The following ABI2 variants were observed in gnomAD, a reference collection of about 807,000 sequenced individuals.
ABI2 encodes abl interactor 2.
A neutral mutation model predicts 59.2 loss-of-function variants in ABI2; 25 were observed. That is an observed-to-expected ratio of 0.42 (90% CI 0.31 to 0.59). The LOEUF is 0.59. ABI2 is among the 20% of genes least tolerant of loss of function. The pLI, the probability that ABI2 is intolerant of heterozygous loss-of-function variation, is 0.14. For synonymous variants in ABI2, 213 were observed against 235.5 expected (o/e 0.90, Z 0.87); for missense variants, 545 against 681.8 (o/e 0.80, Z 2.23).
intron 9 of ABI2, among the ~76,000 whole-genome samples, chr2:203,410,537 A>G (rs1287728910): frequency 6.6e-6 from 1 of 152,184 alleles, no homozygotes; most frequent in Admixed American, 6.5e-5. Context: ...GGTGCAGGGA[A>G]ATACACCTTG....
chr2:203,333,458 A>G (rs1164902497), intron 1 of ABI2, among the ~76,000 whole-genome samples: 4 of 152,092 alleles, frequency 2.6e-5, no homozygotes, highest in African/African-American at 7.2e-5. Flanking sequence ...CGAGTTCTGT[A>G]TGTTCTTGCA....
intron 9 of ABI2, among the ~76,000 whole-genome samples, chr2:203,403,558 A>C (rs1425826153): frequency 1.3e-5 from 2 of 152,046 alleles, no homozygotes; most frequent in Non-Finnish European, 2.9e-5. Context: ...TGATCCTCCA[A>C]CATAAACACT....
intron 4 of ABI2, among the ~76,000 whole-genome samples, chr2:203,387,044 C>G (rs2096555091): frequency 6.9e-6 from 1 of 145,598 alleles, no homozygotes; most frequent in Admixed American, 7.2e-5. Flanking sequence ...TTTTTCCCCG[C>G]AGGCTCCCTT....
rs149082538 is a variant in ABI2, at chr2:203,352,222, GC to G, written c.118-14652del. Among the ~76,000 whole-genome samples the G allele has an allele frequency of 3.9e-5, 6 of 152,278 alleles. No homozygotes were observed. The East Asian group carries it at 1.2e-3, about 29-fold the overall frequency. ...TGCCTATAATCCCAGCTTTTTGGGA[GC>G]CCGAGATGGAAGGACGGCTTGAGTT... On this transcript the variant is annotated intron_variant, in intron 1 of 11. Transcript: ENST00000261018.
chr2:203,406,671 A>AT (rs200999049), intron 9 of ABI2, among the ~76,000 whole-genome samples: 29 of 151,776 alleles, frequency 1.9e-4, no homozygotes, highest in African/African-American at 4.3e-4. Flanking sequence ...GAGCAGGAAG[A>AT]TTTTTTTTTC....
chr2:203,348,390 C>T (rs2085109914), intron 1 of ABI2, among the ~76,000 whole-genome samples: 1 of 152,012 alleles, frequency 6.6e-6, no homozygotes, highest in East Asian at 1.9e-4. Context: ...ATGAAGCATG[C>T]AGGAGGTAAT....
intron 2 of ABI2, among the ~76,000 whole-genome samples, chr2:203,371,211 A>G (rs1419448485): frequency 6.6e-6 from 1 of 152,106 alleles, no homozygotes; most frequent in Non-Finnish European, 1.5e-5. Flanking sequence ...CTTTACCTCA[A>G]TCTGTGTCCA....
chr2:203,349,420 T>C (rs2152712847), intron 1 of ABI2, among the ~76,000 whole-genome samples: 1 of 152,296 alleles, frequency 6.6e-6, no homozygotes, highest in Admixed American at 6.5e-5. Flanking sequence ...TTCTTCTTTT[T>C]TGAGGCGGAG....
intron 8 of ABI2, among the ~76,000 whole-genome samples, chr2:203,400,368 C>T (rs1371482915): frequency 6.6e-6 from 1 of 152,034 alleles, no homozygotes; most frequent in East Asian, 1.9e-4. Flanking sequence ...TGATTAAAGG[C>T]CTGAGCCACC....
At chr2:203,407,313 G>GA (rs1455203922) in intron 9 of ABI2, among the ~76,000 whole-genome samples, 2 of 151,910 alleles carry the variant, frequency 1.3e-5, no homozygotes, top group African/African-American at 4.8e-5. Context: ...CCTTCACTGG[G>GA]AAAAAAACAT....
At chr2:203,337,829 A>G (rs920081151) in intron 1 of ABI2, among the ~76,000 whole-genome samples, 2 of 152,178 alleles carry the variant, frequency 1.3e-5, no homozygotes, top group Non-Finnish European at 2.9e-5. Flanking sequence ...TCAGGAGTTC[A>G]AGACCAGCCT....
At chr2:203,379,849 A>G (rs1020730727) in intron 2 of ABI2, among the ~76,000 whole-genome samples, 2 of 152,220 alleles carry the variant, frequency 1.3e-5, no homozygotes, top group Non-Finnish European at 2.9e-5. Context: ...AGTGAGCGGC[A>G]TGGCTGTATT....
At chr2:203,346,383 C>T (rs2083557391) in intron 1 of ABI2, among the ~76,000 whole-genome samples, 2 of 152,142 alleles carry the variant, frequency 1.3e-5, no homozygotes, top group African/African-American at 4.8e-5. Flanking sequence ...ATTTCTGCAG[C>T]TTGGGAATAT....
At chr2:203,387,949 A>G (rs1039969524) in intron 4 of ABI2, among the ~76,000 whole-genome samples, 1 of 152,090 alleles carries the variant, frequency 6.6e-6, no homozygotes, top group African/African-American at 2.4e-5. Flanking sequence ...TTCCCTCAAA[A>G]TAGTTTTTTT....
At chr2:203,392,431 G>A (rs915521177) in intron 5 of ABI2, among the ~76,000 whole-genome samples, 25 of 152,100 alleles carry the variant, frequency 1.6e-4, no homozygotes, top group African/African-American at 5.8e-4. Flanking sequence ...GTGGAGGATA[G>A]TGCTGGAAGA....
rs1349283869 is a variant in ABI2, at chr2:203,354,218, A to AT, written c.118-12653dup. ...TTCACCACGCCCTGCTAATTTTTGT[A>AT]TTTTTTATAGAGACAGGGTTTCGCC... On this transcript the variant is annotated intron_variant, in intron 1 of 11. Coordinates refer to ENST00000261018, the MANE Select transcript of ABI2 (RefSeq NM_001375670.1). Among the ~76,000 whole-genome samples, 8 of 151,882 alleles carry AT rather than the reference A, an allele frequency of 5.3e-5. No homozygotes were observed. In the South Asian group the frequency reaches 8.3e-4, roughly 16 times the overall value.
intron 2 of ABI2, among the ~76,000 whole-genome samples, chr2:203,378,310 A>T (rs887028354): frequency 1.3e-5 from 2 of 151,934 alleles, no homozygotes; most frequent in Middle Eastern, 3.4e-3. Flanking sequence ...ACGGGGTTTC[A>T]CCGTGTTAGC....
intron 5 of ABI2, among the ~76,000 whole-genome samples, chr2:203,392,289 A>G (rs1252457836): frequency 3.3e-5 from 3 of 90,166 alleles, no homozygotes; most frequent in Non-Finnish European, 7.2e-5. Flanking sequence ...CACCACCACC[A>G]CCACCACCAC....
chr2:203,404,809 T>C (rs1452507306), intron 9 of ABI2, among the ~76,000 whole-genome samples: 1 of 152,210 alleles, frequency 6.6e-6, no homozygotes, highest in Non-Finnish European at 1.5e-5. Context: ...TCCACTTGCC[T>C]TGGCCTCCCA....
Sources: allele counts gnomAD v4.1 joint callset (sites outside exome capture counted in the v4.1 genomes callset), GRCh38; gene constraint gnomAD v4.1.1; transcripts MANE v1.5; gene names NCBI Gene and HGNC (gene_info 2026-07-23, HGNC 2026-07-21).